CLASP1: variants seen among roughly 807,000 people sequenced by gnomAD.
CLASP1 encodes the protein CLIP-associating protein 1.
Under a neutral mutation model 192.3 loss-of-function variants are expected in CLASP1, and 38 were observed. That is an observed-to-expected ratio of 0.20 (90% CI 0.15 to 0.26). The LOEUF is 0.26. Among genes scored for constraint, CLASP1 ranks in the 10% least tolerant of loss-of-function variants. CLASP1 has a pLI of 1.00. For missense variants in CLASP1, 1,433 were observed against 1,932.5 expected (o/e 0.74, Z 4.85); for synonymous variants, 691 against 712.8 (o/e 0.97, Z 0.49).
chr2:121,474,158 T>C (rs932967902), intron 8 of CLASP1, among the ~76,000 whole-genome samples: 30 of 152,294 alleles, frequency 2.0e-4, no homozygotes, highest in Admixed American at 9.1e-4. Context: ...ATTCTTTTTA[T>C]ATTCTTATGT....
At position 121,515,685 on chromosome 2, in the gene CLASP1, T is replaced by C. The variant is rs1324260447; in HGVS notation, c.624A>G (p.Lys208=). 2.5e-6 allele frequency: 4 copies of C among 1,613,824 alleles called. No individual in the cohort carries two copies. In the East Asian group the frequency reaches 6.7e-5, roughly 27 times the overall value. The change falls in exon 7 of 40, where the codon AAA becomes AAG. Residue 208 remains lysine, a synonymous_variant. Transcript: ENST00000263710. ...CTCACCGGGACTGTGGCAATCCTTT[T>C]TTACTGAGATCTGCCCTCACACGTT...
At chr2:121,476,638 C>T (rs1412927281) in intron 8 of CLASP1, among the ~76,000 whole-genome samples, 3 of 152,156 alleles carry the variant, frequency 2.0e-5, no homozygotes, top group African/African-American at 7.2e-5. Context: ...CTGAGGCAGG[C>T]TTTGATGGAT....
chr2:121,410,791 A>G, intron 24 of CLASP1, 75 bp downstream of exon 25: 1 of 854,188 alleles, frequency 1.2e-6, no homozygotes, highest in South Asian at 1.9e-5. Flanking sequence ...TTTGGGGGCA[A>G]TTTCCTGTTA....
intron 30 of CLASP1, among the ~76,000 whole-genome samples, chr2:121,392,254 A>G (rs2074492854): frequency 6.6e-6 from 1 of 152,256 alleles, no homozygotes; most frequent in South Asian, 2.1e-4. Flanking sequence ...ACATATAATT[A>G]AAATTCTACT....
intron 1 of CLASP1, among the ~76,000 whole-genome samples, chr2:121,648,204 G>C (rs111722706): frequency 1.3e-5 from 2 of 152,154 alleles, no homozygotes; most frequent in Non-Finnish European, 2.9e-5. Flanking sequence ...AATAATCGTA[G>C]TAATAAAAAC....
chr2:121,531,386 G>C (rs940050385), intron 2 of CLASP1, among the ~76,000 whole-genome samples: 2 of 152,100 alleles, frequency 1.3e-5, no homozygotes, highest in Non-Finnish European at 2.9e-5. Context: ...ACGAGGTCAG[G>C]AGATCGAGAC....
chr2:121,629,223 T>C (rs910620285), intron 1 of CLASP1, among the ~76,000 whole-genome samples: 2 of 151,820 alleles, frequency 1.3e-5, no homozygotes, highest in Admixed American at 6.6e-5. Context: ...ACCCCGTCTC[T>C]ACTAAAAATA....
In CLASP1 at chr2:121,495,184, G is replaced by A. The variant is rs768466173; in HGVS notation, c.712+7983C>T. 5.3e-5 allele frequency among the ~76,000 whole-genome samples: 8 copies of A among 151,992 alleles called. No individual in the cohort carries two copies. The East Asian group carries it at 7.8e-4, about 15-fold the overall frequency. On this transcript the variant is annotated intron_variant, in intron 8 of 39. Coordinates refer to ENST00000263710, the Ensembl canonical transcript of CLASP1. ...AAAAATACAAACAAATTAGCTGGGCGTGGTGGCAGGTGCCTGTACTCTCAG... is the reference window on the plus strand; with the variant it reads ...AAAAATACAAACAAATTAGCTGGGCATGGTGGCAGGTGCCTGTACTCTCAG...
intron 22 of CLASP1, among the ~76,000 whole-genome samples, chr2:121,420,435 T>A (rs115145759): frequency 6.6e-6 from 1 of 152,288 alleles, no homozygotes; most frequent in African/African-American, 2.4e-5. Context: ...ATACCACTCA[T>A]CCTTAGAGAA....
chr2:121,538,252 C>A (rs1211891819), intron 2 of CLASP1, among the ~76,000 whole-genome samples: 3 of 151,644 alleles, frequency 2.0e-5, no homozygotes, highest in Non-Finnish European at 4.4e-5. Context: ...CGTCTCTAAT[C>A]AAATACAAAA....
chr2:121,561,905 C>T (rs1045494493), intron 2 of CLASP1, among the ~76,000 whole-genome samples: 17 of 152,192 alleles, frequency 1.1e-4, no homozygotes, highest in Non-Finnish European at 1.6e-4. Context: ...TGTCTGCAGG[C>T]ATCAGGATTG....
intron 1 of CLASP1, among the ~76,000 whole-genome samples, chr2:121,608,159 A>C (rs2064701636): frequency 6.6e-6 from 1 of 152,242 alleles, no homozygotes; most frequent in Admixed American, 6.5e-5. Context: ...CAAATGTAAT[A>C]CTTGCAGTTC....
At chr2:121,561,984 C>A (rs915204634) in intron 2 of CLASP1, among the ~76,000 whole-genome samples, 5 of 152,224 alleles carry the variant, frequency 3.3e-5, no homozygotes, top group African/African-American at 4.8e-5. Context: ...CTCAAAACTA[C>A]ATTATGTTAG....
intron 8 of CLASP1, chr2:121,470,366 C>G: frequency 2.2e-6 from 1 of 455,156 alleles, no homozygotes; most frequent in Non-Finnish European, 4.2e-6. Context: ...CTTGGCCTCT[C>G]AAGGTGCTAG....
intron 19 of CLASP1, among the ~76,000 whole-genome samples, chr2:121,434,769 T>A (rs2149680913): frequency 6.7e-6 from 1 of 150,144 alleles, no homozygotes; most frequent in South Asian, 2.1e-4. Context: ...GCAGGTGGAT[T>A]ACTTGAGGCT....
intron 11 of CLASP1, among the ~76,000 whole-genome samples, chr2:121,460,826 T>C (rs2087776214): frequency 2.6e-5 from 4 of 152,154 alleles, no homozygotes; most frequent in Admixed American, 2.6e-4. Context: ...AGAATGAAAT[T>C]TCTGCTAAGG....
rs2087231650 is a variant in CLASP1 at position 121,458,788 on chromosome 2, C to A, written c.1314+52G>T. 5.2e-6 allele frequency: 7 copies of A among 1,355,090 alleles called. No homozygotes were observed. In the East Asian group the frequency reaches 1.8e-4, roughly 36 times the overall value. The allele number at this position is 1,355,090 out of a possible 1,614,324, so 83.9% of individuals were successfully genotyped here. On this transcript the variant is annotated intron_variant, in intron 13 of 39. Transcript: ENST00000263710. The stretch of plus-strand genomic sequence containing the variant: ...CAAAAATGCCTCTAATATTTATCAA[C>A]CATCAGTATTTACCACTTGCTTATT...
intron 28 of CLASP1, among the ~76,000 whole-genome samples, chr2:121,398,756 A>G (rs1180645851): frequency 6.6e-6 from 1 of 152,296 alleles, no homozygotes; most frequent in Non-Finnish European, 1.5e-5. Context: ...ATCACTTCTG[A>G]TACCCAAATC....
At chr2:121,407,706 C>T in exon 25 of CLASP1, 2 of 1,613,902 alleles carry the variant, frequency 1.2e-6, no homozygotes, top group Non-Finnish European at 1.7e-6. Flanking sequence ...CTCCTCCTCA[C>T]AGGCTTCTTC....
Sources: gnomAD v4.1 joint callset for allele counts (sites outside exome capture counted in the v4.1 genomes callset) on GRCh38, gnomAD v4.1.1 for gene constraint, MANE v1.5 for transcripts, NCBI Gene and HGNC (gene_info 2026-07-23, HGNC 2026-07-21) for gene names.